Variants in NOX5 observed in about 807,000 individuals in gnomAD.
NOX5 encodes NADPH oxidase, EF-hand calcium binding domain 5.
Under a neutral mutation model 85.7 loss-of-function variants are expected in NOX5, and 76 were observed. That is an observed-to-expected ratio of 0.89 (90% CI 0.74 to 1.07). NOX5 has a LOEUF of 1.07. Among genes scored for constraint, NOX5 ranks in the 50% least tolerant of loss-of-function variants. NOX5 has a pLI of 0.00. For missense variants in NOX5, 973 were observed against 999.5 expected, an observed-to-expected ratio of 0.97 and a Z score of 0.36; for synonymous variants, 405 against 401.4, an observed-to-expected ratio of 1.01 and a Z score of -0.11.
chr15:69,046,459 C>G (rs1438283066), intron 10 of NOX5: 3 of 203,742 alleles, frequency 1.5e-5, no homozygotes, highest in African/African-American at 6.9e-5. Context: ...GGGGAATGCT[C>G]TCCAGTCACA....
At chr15:69,028,084 T>G in intron 2 of NOX5, 131 bp from the exon 3 acceptor site, 2 of 935,040 alleles carry the variant, frequency 2.1e-6, no homozygotes, top group Non-Finnish European at 3.2e-6. Context: ...GGCACCTGAG[T>G]TCTGCCTGAA....
chr15:69,048,862 A>T, intron 13 of NOX5, 97 bp from the exon 14 acceptor site: 1 of 760,018 alleles, frequency 1.3e-6, no homozygotes, highest in Non-Finnish European at 2.2e-6. Flanking sequence ...TTCCCTGCTT[A>T]CTTCAGGGTG....
intron 10 of NOX5, 70 bp from the exon 11 acceptor site, chr15:69,046,752 A>G: frequency 6.7e-7 from 1 of 1,493,450 alleles, no homozygotes; most frequent in Non-Finnish European, 9.2e-7. Context: ...TGGCAAGGGC[A>G]AGAAACTTCT....
At chr15:69,025,037 C>T (rs2050339432) in intron 1 of NOX5, among the ~76,000 whole-genome samples, 1 of 152,062 alleles carries the variant, frequency 6.6e-6, no homozygotes, top group Non-Finnish European at 1.5e-5. Context: ...CATTTATGTT[C>T]TATAAAGTCA....
intron 14 of NOX5, among the ~76,000 whole-genome samples, chr15:69,050,637 C>T (rs1056248242): frequency 6.6e-6 from 1 of 152,216 alleles, no homozygotes; most frequent in African/African-American, 2.4e-5. Flanking sequence ...GATCCACCTG[C>T]TTCAGCCTCC....
intron 15 of NOX5, among the ~76,000 whole-genome samples, chr15:69,055,820 A>G (rs575038644): frequency 6.6e-6 from 1 of 152,276 alleles, no homozygotes; most frequent in South Asian, 2.1e-4. Context: ...AAAAACAACA[A>G]ATCTTATCAT....
intron 5 of NOX5, 59 bp downstream of exon 5, chr15:69,033,336 C>T (rs1481839052): frequency 1.3e-6 from 2 of 1,535,928 alleles, no homozygotes; most frequent in East Asian, 2.4e-5. Context: ...AGGTGGGCTC[C>T]TCCTAGACAG....
chr15:69,031,944 C>T, intron 4 of NOX5, 132 bp downstream of exon 4: 1 of 901,106 alleles, frequency 1.1e-6, no homozygotes, highest in Non-Finnish European at 1.7e-6. Context: ...GTTTAGCCCA[C>T]TCTTGAGTGT....
chr15:69,037,007 C>T, intron 7 of NOX5, 21 bp from the exon 8 acceptor site: 1 of 1,607,668 alleles, frequency 6.2e-7, no homozygotes, highest in Non-Finnish European at 8.5e-7. Flanking sequence ...TGGAAGTTGA[C>T]TGCCCCCCCT....
chr15:69,015,541 T>C (rs2050220446), intron 1 of NOX5, among the ~76,000 whole-genome samples: 1 of 152,170 alleles, frequency 6.6e-6, no homozygotes, highest in Non-Finnish European at 1.5e-5. Context: ...GCAGCATTTC[T>C]CCAGGTGCAT....
chr15:69,038,712 A>T, intron 8 of NOX5, 145 bp from the exon 9 acceptor site: 1 of 1,122,560 alleles, frequency 8.9e-7, no homozygotes. Flanking sequence ...GTGGGCCACC[A>T]CTCAGAAGCA....
chr15:69,055,564 T>G (rs1595793514), intron 15 of NOX5, 64 bp downstream of exon 15: 1 of 1,565,978 alleles, frequency 6.4e-7, no homozygotes, highest in Non-Finnish European at 8.7e-7. Context: ...GAGGCAGCGG[T>G]GGGGAGACGA....
chr15:69,036,495 C>T (rs28666400), intron 7 of NOX5, among the ~76,000 whole-genome samples: 1 of 152,076 alleles, frequency 6.6e-6, no homozygotes, highest in African/African-American at 2.4e-5. Context: ...TGTGGCCTGA[C>T]CACATCAGAA....
chr15:69,056,437 C>G (rs1327861354), intron 15 of NOX5, 128 bp from the exon 16 acceptor site: 13 of 1,199,042 alleles, frequency 1.1e-5, no homozygotes, highest in Non-Finnish European at 1.3e-5. Context: ...CATGCAGCTC[C>G]CTGTGTAAAA....
intron 1 of NOX5, among the ~76,000 whole-genome samples, chr15:69,021,660 T>C (rs2050296908): frequency 6.6e-6 from 1 of 152,210 alleles, no homozygotes; most frequent in Non-Finnish European, 1.5e-5. Context: ...TCCATTCAGA[T>C]TGTTACCTTC....
At chr15:69,045,116 G>A (rs2050645552) in intron 10 of NOX5, among the ~76,000 whole-genome samples, 2 of 152,356 alleles carry the variant, frequency 1.3e-5, no homozygotes, top group South Asian at 2.1e-4. Flanking sequence ...CCCAGGGATC[G>A]TGGGTCCTTG....
At position 69,058,025 on chromosome 15, in the gene NOX5, C is replaced by T. The variant is rs1316578471; in HGVS notation, c.*1329C>T. On this transcript the variant is annotated 3_prime_UTR_variant, in exon 16 of 16. Coordinates refer to ENST00000388866, the MANE Select transcript of NOX5 (RefSeq NM_024505.4). ...CTGAGCTGGACATTTCCATCTGTGCCACACCATGAGCTCCTGTGAGCCCCA... is the reference window on the plus strand; with the variant it reads ...CTGAGCTGGACATTTCCATCTGTGCTACACCATGAGCTCCTGTGAGCCCCA... 1 of 153,000 alleles carries T rather than the reference C, an allele frequency of 6.5e-6. No homozygotes were observed. The highest frequency in any genetic ancestry group is 1.5e-5 in the Non-Finnish European group (1 of 68,712). The allele number at this position is 153,000 out of a possible 1,614,324, so 9.5% of individuals were successfully genotyped here.
intron 15 of NOX5, among the ~76,000 whole-genome samples, 197 bp downstream of exon 15, chr15:69,055,697 C>T (rs1355470554): frequency 6.6e-6 from 1 of 152,184 alleles, no homozygotes; most frequent in Non-Finnish European, 1.5e-5. Context: ...CATCATTAGC[C>T]TCAGTTTCTC....
rs538930306 is a variant in NOX5 at position 69,060,574 on chromosome 15, T to C, written c.*3878T>C. 3.9e-5 allele frequency: 6 copies of C among 152,356 alleles called. No individual in the cohort carries two copies. The highest frequency in any genetic ancestry group is 1.4e-4 in the African/African-American group (6 of 41,598). 9.4% of individuals were successfully genotyped at this position (152,356 alleles called of 1,614,324 possible). On this transcript the variant is annotated 3_prime_UTR_variant, in exon 16 of 16. Transcript: ENST00000388866. The stretch of plus-strand genomic sequence containing the variant: ...GCTCTGGGGAGTGGGAATGGAGGGA[T>C]ACAATGAAGGAAAGGATTTTGTGTT...
Sources: allele counts gnomAD v4.1 joint callset (sites outside exome capture counted in the v4.1 genomes callset), GRCh38; gene constraint gnomAD v4.1.1; transcripts MANE v1.5; gene names NCBI Gene and HGNC (gene_info 2026-07-23, HGNC 2026-07-21).